ESRRG: variants seen among roughly 807,000 people sequenced by gnomAD.
ESRRG encodes estrogen related receptor gamma.
Under a neutral mutation model 44.0 loss-of-function variants are expected in ESRRG, and 13 were observed. The ratio of observed to expected loss-of-function variants is 0.30; its 90% CI spans 0.19 to 0.47. The LOEUF is 0.47. Ranked by LOEUF, ESRRG falls within the 20% of genes least tolerant of loss-of-function variation. The probability of loss-of-function intolerance (pLI) is 1.00; values close to 1 mark genes in which losing one functional copy is unlikely to be tolerated. For missense variants in ESRRG, 395 were observed against 580.6 expected (o/e 0.68, Z 3.29); for synonymous variants, 215 against 214.6 (o/e 1.00, Z -0.02).
At chr1:216,671,262 T>A (rs879500843) in intron 2 of ESRRG, among the ~76,000 whole-genome samples, 5 of 152,226 alleles carry the variant, frequency 3.3e-5, no homozygotes, top group African/African-American at 4.8e-5. Flanking sequence ...GAAATAAAGT[T>A]AATTGAGCAC....
At chr1:217,005,178 T>C (rs1298522295) in intron 1 of ESRRG, among the ~76,000 whole-genome samples, 11 of 152,158 alleles carry the variant, frequency 7.2e-5, no homozygotes. Flanking sequence ...TTAGACTTTT[T>C]TAAATACTGA....
intron 2 of ESRRG, among the ~76,000 whole-genome samples, chr1:216,883,066 G>A (rs558566472): frequency 6.6e-6 from 1 of 152,232 alleles, no homozygotes; most frequent in African/African-American, 2.4e-5. Context: ...TAAATCCTAA[G>A]CAGGGTTTGC....
At chr1:216,819,124 AT>A (rs2095230902) in intron 2 of ESRRG, among the ~76,000 whole-genome samples, 1 of 152,086 alleles carries the variant, frequency 6.6e-6, no homozygotes, top group African/African-American at 2.4e-5. Context: ...TTTAGGTCAA[AT>A]GGTATTTCTG....
At chr1:216,918,927 G>T (rs1330431066) in intron 2 of ESRRG, among the ~76,000 whole-genome samples, 1 of 150,184 alleles carries the variant, frequency 6.7e-6, no homozygotes, top group African/African-American at 2.4e-5. Flanking sequence ...TAAAAAATGA[G>T]GATAATGATG....
At chr1:217,019,421 C>T (rs1172666357) in intron 1 of ESRRG, among the ~76,000 whole-genome samples, 1 of 152,170 alleles carries the variant, frequency 6.6e-6, no homozygotes, top group Non-Finnish European at 1.5e-5. Context: ...GACATTTGCT[C>T]TACATGCCAA....
intron 2 of ESRRG, among the ~76,000 whole-genome samples, chr1:216,665,024 C>A (rs991488130): frequency 6.6e-6 from 1 of 152,176 alleles, no homozygotes; most frequent in Non-Finnish European, 1.5e-5. Flanking sequence ...TCTATCCATA[C>A]AGTGGAATGT....
intron 2 of ESRRG, among the ~76,000 whole-genome samples, chr1:216,768,474 CT>C (rs1483804595): frequency 1.3e-5 from 2 of 149,390 alleles, no homozygotes; most frequent in African/African-American, 2.5e-5. Context: ...ATCTATCTAT[CT>C]ATCTATCTAT....
chr1:217,103,191 G>A (rs955944698), intron 1 of ESRRG, among the ~76,000 whole-genome samples: 2 of 151,862 alleles, frequency 1.3e-5, no homozygotes, highest in Non-Finnish European at 2.9e-5. Context: ...GCAGGGAGTG[G>A]AAGTTGATCG....
At chr1:216,584,581 A>C (rs578151296) in intron 3 of ESRRG, among the ~76,000 whole-genome samples, 7 of 152,308 alleles carry the variant, frequency 4.6e-5, no homozygotes, top group Non-Finnish European at 7.4e-5. Context: ...ATAAATGGGA[A>C]AAAACATAAT....
chr1:217,057,802 T>C (rs1394870239), intron 1 of ESRRG, among the ~76,000 whole-genome samples: 1 of 152,162 alleles, frequency 6.6e-6, no homozygotes, highest in African/African-American at 2.4e-5. Flanking sequence ...TGATAAACTT[T>C]CTGAAAACAC....
intron 1 of ESRRG, among the ~76,000 whole-genome samples, chr1:217,019,042 T>C (rs1046035123): frequency 3.9e-5 from 6 of 152,188 alleles, no homozygotes; most frequent in African/African-American, 1.4e-4. Flanking sequence ...GTTCAAGGTA[T>C]ATGAAAAGCC....
At chr1:216,976,116 CA>C (rs2072824698) in intron 1 of ESRRG, among the ~76,000 whole-genome samples, 1 of 151,910 alleles carries the variant, frequency 6.6e-6, no homozygotes, top group African/African-American at 2.4e-5. Flanking sequence ...GTGTATCTAA[CA>C]AAATTCTTAG....
chr1:216,935,352 C>A lies in ESRRG; in HGVS notation c.-14+4230G>T, dbSNP rs558023842. ...AGCTATAAATTCGAGGTTTCCTTAA[C>A]CCCCTTCTCTGGTTTGATTGATTTG... On this transcript the variant is annotated intron_variant, in intron 2 of 7. Coordinates refer to the ESRRG transcript ENST00000359162. Among the ~76,000 whole-genome samples, 10 of 152,294 alleles carry A rather than the reference C, an allele frequency of 6.6e-5. No individual in the cohort carries two copies. The East Asian group carries it at 1.5e-3, about 24-fold the overall frequency.
At chr1:217,119,123 A>C (rs916275301) in intron 1 of ESRRG, among the ~76,000 whole-genome samples, 2 of 152,236 alleles carry the variant, frequency 1.3e-5, no homozygotes, top group Non-Finnish European at 2.9e-5. Flanking sequence ...TTTCAGGAGT[A>C]GAATAAAAAG....
chr1:216,968,249 C>T (rs562703009), intron 1 of ESRRG, among the ~76,000 whole-genome samples: 1 of 152,210 alleles, frequency 6.6e-6, no homozygotes, highest in East Asian at 1.9e-4. Flanking sequence ...TTAATGAAAT[C>T]AATTATTTAT....
chr1:216,671,818 C>G (rs1368162774), intron 2 of ESRRG, among the ~76,000 whole-genome samples: 2 of 152,078 alleles, frequency 1.3e-5, no homozygotes, highest in Non-Finnish European at 2.9e-5. Flanking sequence ...ATTATCTACA[C>G]AAAGAAAACT....
chr1:216,944,871 C>T (rs751805606), intron 1 of ESRRG, among the ~76,000 whole-genome samples: 14 of 152,070 alleles, frequency 9.2e-5, no homozygotes, highest in African/African-American at 1.2e-4. Flanking sequence ...CCTACAGGAA[C>T]GGCTGGGCAA....
At chr1:216,834,140 C>T (rs1194874127) in intron 2 of ESRRG, among the ~76,000 whole-genome samples, 1 of 152,176 alleles carries the variant, frequency 6.6e-6, no homozygotes, top group Non-Finnish European at 1.5e-5. Flanking sequence ...GTGGCTCACT[C>T]CTGTAATCCC....
chr1:216,590,042 A>G (rs775092688), intron 3 of ESRRG, among the ~76,000 whole-genome samples: 10 of 151,996 alleles, frequency 6.6e-5, no homozygotes, highest in Non-Finnish European at 1.5e-4. Context: ...ATAAAACTTA[A>G]AAGTGAGTAT....
Sources: gnomAD v4.1 joint callset for allele counts (sites outside exome capture counted in the v4.1 genomes callset) on GRCh38, gnomAD v4.1.1 for gene constraint, MANE v1.5 for transcripts, NCBI Gene and HGNC (gene_info 2026-07-23, HGNC 2026-07-21) for gene names.